ATF7IP2: variants seen among roughly 807,000 people sequenced by gnomAD.
The protein encoded by ATF7IP2 is activating transcription factor 7-interacting protein 2.
Under a neutral mutation model 64.2 loss-of-function variants are expected in ATF7IP2, and 42 were observed. That is an observed-to-expected ratio of 0.65 (90% confidence interval 0.51 to 0.85). The LOEUF (loss-of-function observed/expected upper bound fraction) is 0.85. ATF7IP2 is among the 40% of genes least tolerant of loss of function. The pLI is 0.00. For synonymous variants in ATF7IP2, 308 were observed against 272.8 expected (o/e 1.13, Z -1.27); for missense variants, 933 against 784.2 (o/e 1.19, Z -2.27).
intron 9 of ATF7IP2, among the ~76,000 whole-genome samples, chr16:10,460,562 A>G (rs1348857810): frequency 3.3e-5 from 5 of 152,160 alleles, no homozygotes; most frequent in African/African-American, 1.2e-4. Flanking sequence ...GTATGTATGT[A>G]TATGTGATAT....
intron 1 of ATF7IP2, among the ~76,000 whole-genome samples, chr16:10,396,427 C>T (rs147314427): frequency 5.9e-5 from 9 of 152,182 alleles, no homozygotes; most frequent in East Asian, 3.9e-4. Context: ...CCTATGCTGT[C>T]GGGGTCATAT....
At chr16:10,433,885 A>G (rs2048335157) in intron 6 of ATF7IP2, among the ~76,000 whole-genome samples, 1 of 152,168 alleles carries the variant, frequency 6.6e-6, no homozygotes, top group African/African-American at 2.4e-5. Context: ...ATGTGTAGGT[A>G]GAGTCCTGTT....
intron 8 of ATF7IP2, among the ~76,000 whole-genome samples, chr16:10,440,746 T>A (rs940361759): frequency 2.0e-5 from 3 of 152,146 alleles, no homozygotes; most frequent in African/African-American, 7.2e-5. Context: ...ACAGCAAAGT[T>A]GAAATTATGT....
At chr16:10,470,230 A>G (rs1009562519) in intron 9 of ATF7IP2, among the ~76,000 whole-genome samples, 1 of 152,198 alleles carries the variant, frequency 6.6e-6, no homozygotes, top group South Asian at 2.1e-4. Context: ...AATTATATAT[A>G]TACACACACA....
chr16:10,472,810 C>T (rs560936124), intron 10 of ATF7IP2, among the ~76,000 whole-genome samples: 2 of 147,806 alleles, frequency 1.4e-5, no homozygotes, highest in African/African-American at 2.5e-5. Context: ...GAGCTGAGAT[C>T]GTGCTACTGC....
intron 2 of ATF7IP2, among the ~76,000 whole-genome samples, chr16:10,418,133 G>A (rs901036651): frequency 1.3e-5 from 2 of 152,230 alleles, no homozygotes; most frequent in African/African-American, 4.8e-5. Context: ...ATAGAGTATA[G>A]ATTAACTAAA....
At chr16:10,470,420 A>T (rs2049748443) in intron 9 of ATF7IP2, among the ~76,000 whole-genome samples, 1 of 152,136 alleles carries the variant, frequency 6.6e-6, no homozygotes, top group South Asian at 2.1e-4. Context: ...GAATTCATTA[A>T]GATGTTACTT....
At chr16:10,440,184 A>G (rs2048566428) in intron 7 of ATF7IP2, among the ~76,000 whole-genome samples, 180 bp from the exon 8 acceptor site, 1 of 152,072 alleles carries the variant, frequency 6.6e-6, no homozygotes, top group Admixed American at 6.5e-5. Flanking sequence ...TTTTATTTAT[A>G]TATATGTATA....
At chr16:10,443,023 T>A (rs2048680548) in intron 8 of ATF7IP2, among the ~76,000 whole-genome samples, 1 of 152,162 alleles carries the variant, frequency 6.6e-6, no homozygotes, top group Admixed American at 6.5e-5. Flanking sequence ...TCTCTTGTTT[T>A]ATGGTGGTGT....
intron 1 of ATF7IP2, among the ~76,000 whole-genome samples, chr16:10,404,168 G>T (rs2047588647): frequency 6.6e-6 from 1 of 152,170 alleles, no homozygotes; most frequent in South Asian, 2.1e-4. Flanking sequence ...GTGAAGGAAA[G>T]AATTTTAAAA....
At chr16:10,402,166 A>T (rs967593163) in intron 1 of ATF7IP2, among the ~76,000 whole-genome samples, 1 of 152,106 alleles carries the variant, frequency 6.6e-6, no homozygotes, top group Non-Finnish European at 1.5e-5. Flanking sequence ...CTCTTGAGGT[A>T]CAATGTAAGA....
At chr16:10,434,312 G>T (rs1369417926) in intron 6 of ATF7IP2, among the ~76,000 whole-genome samples, 1 of 152,140 alleles carries the variant, frequency 6.6e-6, no homozygotes, top group Non-Finnish European at 1.5e-5. Context: ...ACTGAGGACG[G>T]GTTTTGATGA....
chr16:10,390,803 GA>G (rs2047306605), intron 1 of ATF7IP2, among the ~76,000 whole-genome samples: 1 of 152,016 alleles, frequency 6.6e-6, no homozygotes, highest in South Asian at 2.1e-4. Context: ...AGGAAAAAGA[GA>G]GACTGAAAAA....
chr16:10,436,061 G>A (rs553662675), intron 6 of ATF7IP2, among the ~76,000 whole-genome samples: 18 of 152,220 alleles, frequency 1.2e-4, no homozygotes, highest in South Asian at 8.3e-4. Context: ...AATGGTCATC[G>A]GTAAAAATAA....
At chr16:10,424,448 T>C (rs977491270) in intron 3 of ATF7IP2, among the ~76,000 whole-genome samples, 1 of 152,244 alleles carries the variant, frequency 6.6e-6, no homozygotes, top group African/African-American at 2.4e-5. Context: ...GGCTGTGATA[T>C]ACTTGCTAAA....
intron 9 of ATF7IP2, chr16:10,457,746 G>A (rs2049230739): frequency 2.8e-6 from 1 of 358,910 alleles, no homozygotes; most frequent in South Asian, 4.5e-5. Flanking sequence ...TCACTTTGTT[G>A]TCCAGGCTGG....
intron 9 of ATF7IP2, among the ~76,000 whole-genome samples, chr16:10,464,892 C>T (rs1214813699): frequency 1.3e-5 from 2 of 152,174 alleles, no homozygotes; most frequent in Non-Finnish European, 2.9e-5. Flanking sequence ...TGCAACGGCA[C>T]GATCTCAGCT....
intron 8 of ATF7IP2, among the ~76,000 whole-genome samples, chr16:10,456,777 TG>T (rs777759837): frequency 2.0e-5 from 3 of 152,256 alleles, no homozygotes; most frequent in East Asian, 3.9e-4. Flanking sequence ...AGTATGGAAT[TG>T]GGGGGTTAGC....
At chr16:10,407,631 A>G (rs969649645) in intron 1 of ATF7IP2, among the ~76,000 whole-genome samples, 5 of 152,194 alleles carry the variant, frequency 3.3e-5, no homozygotes, top group Non-Finnish European at 5.9e-5. Context: ...ATATTGACAA[A>G]TAAGATTATT....
Sources: allele counts gnomAD v4.1 joint callset (sites outside exome capture counted in the v4.1 genomes callset), GRCh38; gene constraint gnomAD v4.1.1; transcripts MANE v1.5; gene names NCBI Gene and HGNC (gene_info 2026-07-23, HGNC 2026-07-21).